The following MMAB variants were observed in gnomAD, a reference collection of about 807,000 sequenced individuals.
MMAB encodes metabolism of cobalamin associated B, also known as corrinoid adenosyltransferase MMAB.
Under a neutral mutation model 30.6 loss-of-function variants are expected in MMAB, and 17 were observed. The observed-to-expected ratio is 0.56, with a 90% CI of 0.38 to 0.83. The LOEUF is 0.83. Among genes scored for constraint, MMAB ranks in the 40% least tolerant of loss-of-function variants. The probability of loss-of-function intolerance (pLI) is 0.00; values close to 1 mark genes in which losing one functional copy is unlikely to be tolerated. For synonymous variants in MMAB, 134 were observed against 138.6 expected, an observed-to-expected ratio of 0.97 and a Z score of 0.23; for missense variants, 311 against 331.6, an observed-to-expected ratio of 0.94 and a Z score of 0.48.
intron 4 of MMAB, among the ~76,000 whole-genome samples, chr12:109,563,114 C>A (rs1884274143): frequency 6.6e-6 from 1 of 152,248 alleles, no homozygotes. Context: ...GACCAGCAGA[C>A]CTTGGGCAAG....
chr12:109,557,281 A>G (rs75572733), intron 8 of MMAB, 145 bp from the exon 9 acceptor site: 2 of 703,402 alleles, frequency 2.8e-6, no homozygotes, highest in Non-Finnish European at 5.2e-6. Flanking sequence ...GGGCCCAGCC[A>G]TCTTGCACTT....
Position 109,554,322 on chromosome 12 carries a change from T to G in MMAB, c.*2706A>C, listed in dbSNP as rs1592991848. 2.2e-6 allele frequency: 1 copy of G among 454,092 alleles called. No individual in the cohort carries two copies. The highest frequency in any genetic ancestry group is 7.0e-5 in the East Asian group (1 of 14,386). The allele number at this position is 454,092 out of a possible 1,614,324, so 28.1% of individuals were successfully genotyped here. On this transcript the variant is annotated 3_prime_UTR_variant, in exon 9 of 9. Transcript: ENST00000545712. ...GTCACTGTGACTGTGGGCTTCTCTC[T>G]GACACAAGAGCCAACTGCCAGCTTG...
chr12:109,557,220 A>G, intron 8 of MMAB, 84 bp from the exon 9 acceptor site: 1 of 942,190 alleles, frequency 1.1e-6, no homozygotes. Flanking sequence ...ATCCGCCTAC[A>G]AGGAGGAGAT....
At chr12:109,571,314 T>A (rs1884619700) in intron 2 of MMAB, among the ~76,000 whole-genome samples, 1 of 152,056 alleles carries the variant, frequency 6.6e-6, no homozygotes, top group Non-Finnish European at 1.5e-5. Flanking sequence ...AGTGGCATGA[T>A]CTTGGCTCAC....
At chr12:109,563,172 T>G (rs1401541484) in intron 4 of MMAB, among the ~76,000 whole-genome samples, 1 of 151,822 alleles carries the variant, frequency 6.6e-6, no homozygotes, top group Non-Finnish European at 1.5e-5. Flanking sequence ...AAAGCGGGAG[T>G]GATAATACTA....
rs1365579483 is a variant in MMAB, at chr12:109,558,635, G to A, written c.644+461C>T. Among the ~76,000 whole-genome samples the A allele has an allele frequency of 6.6e-6, 1 of 152,018 alleles. No individual in the cohort carries two copies. The highest frequency in any genetic ancestry group is 2.4e-5 in the African/African-American group (1 of 41,400). ...GGGCTAGCCTGGCTCACTGGGGCCT[G>A]CATGGGGTCCCCTGAGCGCAGCTTG... On this transcript the variant is annotated intron_variant, in intron 8 of 8. Transcript: ENST00000545712. The surrounding 1 kb of genome is among the most constrained non-coding windows in gnomAD (Gnocchi z 4.3).
intron 2 of MMAB, 75 bp from the exon 3 acceptor site, chr12:109,568,938 T>C: frequency 9.3e-7 from 1 of 1,069,868 alleles, no homozygotes; most frequent in Non-Finnish European, 1.4e-6. Flanking sequence ...TTTTTAAACT[T>C]TCAAAGATTT....
chr12:109,570,693 G>C (rs539901993), intron 2 of MMAB, among the ~76,000 whole-genome samples: 1 of 151,940 alleles, frequency 6.6e-6, no homozygotes, highest in African/African-American at 2.4e-5. Flanking sequence ...AACACAGCAA[G>C]ACCTCATCTC....
Position 109,556,791 on chromosome 12 carries a change from A to T in MMAB, c.*237T>A, listed in dbSNP as rs1283259603. 1 of 642,850 alleles carries T rather than the reference A, an allele frequency of 1.6e-6. No homozygotes were observed. Among genetic ancestry groups the T allele is most frequent in the East Asian group, 3.1e-5 (1 of 32,524 alleles). 39.8% of individuals were successfully genotyped at this position (642,850 alleles called of 1,614,324 possible). ...TTTCCTGCAATGCCAATTCATTCCC[A>T]CATCCCTCCAAGACCCAGGAGAGCT... On this transcript the variant is annotated 3_prime_UTR_variant, in exon 9 of 9. Coordinates refer to ENST00000545712, the MANE Select transcript of MMAB (RefSeq NM_052845.4).
intron 7 of MMAB, among the ~76,000 whole-genome samples, chr12:109,560,192 C>T (rs1265691437): frequency 2.0e-5 from 3 of 152,214 alleles, no homozygotes; most frequent in Non-Finnish European, 4.4e-5. Flanking sequence ...TCATAAAGAA[C>T]AAAACCTTAG....
rs774188253 is a variant in MMAB, at chr12:109,561,277, G to A, written c.519+143C>T. 6.3e-7 allele frequency: 1 copy of A among 1,578,558 alleles called. No homozygotes were observed. Among genetic ancestry groups the A allele is most frequent in the South Asian group, 1.1e-5 (1 of 88,600 alleles). ...TGCTCCAGAGTGGGCAGGGCTGGGA[G>A]GGACCGGTGAGGACCTGGAGGGACT... On this transcript the variant is annotated intron_variant, in intron 6 of 8. Coordinates refer to ENST00000545712, the MANE Select transcript of MMAB (RefSeq NM_052845.4). The surrounding 1 kb of genome is among the most constrained non-coding windows in gnomAD (Gnocchi z 5.3).
intron 3 of MMAB, 41 bp downstream of exon 3, chr12:109,568,729 C>A (rs1184186424): frequency 6.9e-7 from 1 of 1,449,604 alleles, no homozygotes; most frequent in Non-Finnish European, 9.7e-7. Context: ...TACTCATACT[C>A]GACTCAAACG....
In MMAB at chr12:109,569,147, A is replaced by G. The variant is rs1440863571; in HGVS notation, c.197-284T>C. On this transcript the variant is annotated intron_variant, in intron 2 of 8. Coordinates refer to ENST00000545712, the MANE Select transcript of MMAB (RefSeq NM_052845.4). This position sits in a 1 kb window ranked among gnomAD's most constrained non-coding sequence, Gnocchi z 4.1. The stretch of plus-strand genomic sequence containing the variant: ...TTTTAGTAGAGACGGGTTTTCGCCC[A>G]TGTTGGCCGAGCTAGTCTTGAACTC... 6.6e-6 allele frequency among the ~76,000 whole-genome samples: 1 copy of G among 151,952 alleles called. No individual in the cohort carries two copies. Among genetic ancestry groups the G allele is most frequent in the Non-Finnish European group, 1.5e-5 (1 of 68,004 alleles).
chr12:109,568,501 T>C, intron 3 of MMAB: 1 of 578,032 alleles, frequency 1.7e-6, no homozygotes, highest in Non-Finnish European at 3.1e-6. Context: ...ACACACAGGC[T>C]CACCTGAAAA....
Position 109,555,831 on chromosome 12 carries a change from T to C in MMAB, c.*1197A>G, listed in dbSNP as rs1379480853. The C allele has an allele frequency of 2.2e-6, 1 of 453,896 alleles. No individual in the cohort carries two copies. Among genetic ancestry groups the C allele is most frequent in the Non-Finnish European group, 4.4e-6 (1 of 226,760 alleles). 28.1% of individuals were successfully genotyped at this position (453,896 alleles called of 1,614,324 possible). A position where few individuals can be genotyped will look rare whatever the true frequency, so the allele number is the denominator to read the frequency against. On this transcript the variant is annotated 3_prime_UTR_variant, in exon 9 of 9. Transcript: ENST00000545712. ...AAGAATGAAGGCAAAAATATGCACG[T>C]GACTAAGAAGGTAATGTTTGCTGAC...
At chr12:109,565,017 T>C in intron 4 of MMAB, 102 bp downstream of exon 4, 1 of 909,904 alleles carries the variant, frequency 1.1e-6, no homozygotes, top group Non-Finnish European at 1.9e-6. Flanking sequence ...GGAGAGTAAC[T>C]AGCCCCAGGT....
chr12:109,568,633 C>T, intron 3 of MMAB, 137 bp downstream of exon 3: 1 of 769,334 alleles, frequency 1.3e-6, no homozygotes, highest in Non-Finnish European at 2.4e-6. Flanking sequence ...CCAGCCTGTG[C>T]TTCAGGGCTG....
intron 3 of MMAB, chr12:109,568,504 C>A: frequency 1.7e-6 from 1 of 581,712 alleles, no homozygotes; most frequent in Non-Finnish European, 3.1e-6. Context: ...CACAGGCTCA[C>A]CTGAAAAGTG....
At chr12:109,568,519 A>G in intron 3 of MMAB, 1 of 593,386 alleles carries the variant, frequency 1.7e-6, no homozygotes, top group Non-Finnish European at 3.0e-6. Context: ...AAAGTGAGGG[A>G]TGAGAGGGAG....
Sources: gnomAD v4.1 joint callset for allele counts (sites outside exome capture counted in the v4.1 genomes callset) on GRCh38, gnomAD v4.1.1 for gene constraint, Gnocchi (gnomAD v3.1) non-coding constraint, MANE v1.5 for transcripts, NCBI Gene and HGNC (gene_info 2026-07-23, HGNC 2026-07-21) for gene names.